The following CHL1 variants were observed in gnomAD, a reference collection of about 807,000 sequenced individuals.
CHL1 encodes the protein cell adhesion molecule L1 like.
In CHL1, 96 loss-of-function variants were observed where a neutral mutation model predicts 141.9. The observed-to-expected ratio is 0.68, with a 90% CI of 0.57 to 0.80. The LOEUF is 0.80. Among genes scored for constraint, CHL1 ranks in the 30% least tolerant of loss-of-function variants. The pLI is 0.00. For synonymous variants in CHL1, 613 were observed against 502.2 expected (o/e 1.22, Z -2.95); for missense variants, 1,820 against 1,457.2 (o/e 1.25, Z -4.05).
At position 208,269 on chromosome 3, in the gene CHL1, G is replaced by A. The variant is rs556189118; in HGVS notation, c.-175+11206G>A. On this transcript the variant is annotated intron_variant, in intron 1 of 27. Transcript: ENST00000256509. ...ACTAATAAACCATTTTTTCTGCAGT[G>A]TAATTTTGGACAGCAGGCCTTAAAA... Among the ~76,000 whole-genome samples, 57 of 152,264 alleles carry A rather than the reference G, an allele frequency of 3.7e-4. 1 individual carries two copies. Among genetic ancestry groups the A allele is most frequent in the Non-Finnish European group, 6.2e-4 (42 of 68,016 alleles).
rs11919117 is a variant in CHL1, at chr3:288,609, A to G, written c.-94-31074A>G. 7.3e-3 allele frequency among the ~76,000 whole-genome samples: 1,105 copies of G among 152,204 alleles called. 24 individuals carry two copies. The highest frequency in any genetic ancestry group is 0.025 in the African/African-American group (1,034 of 41,492). Reference sequence around the variant, plus strand: ...CGTTGTTTGTCACAGGAGGGGGGCCATGAAGGAGGATGTGATTGCTCCCCT... The same window carrying G: ...CGTTGTTTGTCACAGGAGGGGGGCCGTGAAGGAGGATGTGATTGCTCCCCT... On this transcript the variant is annotated intron_variant, in intron 2 of 27. Transcript: ENST00000256509.
intron 5 of CHL1, among the ~76,000 whole-genome samples, chr3:339,557 T>C (rs896460320): frequency 6.6e-6 from 1 of 152,192 alleles, no homozygotes; most frequent in East Asian, 1.9e-4. Flanking sequence ...AACCAAAGTC[T>C]GCCTTCCGAA....
intron 9 of CHL1, among the ~76,000 whole-genome samples, chr3:345,015 A>G (rs1477627089): frequency 6.6e-6 from 1 of 152,084 alleles, no homozygotes; most frequent in African/African-American, 2.4e-5. Context: ...AAATTAATAA[A>G]ATAAAATAAA....
At chr3:382,855 T>A in intron 18 of CHL1, 184 bp downstream of exon 18, 3 of 586,522 alleles carry the variant, frequency 5.1e-6, no homozygotes, top group Non-Finnish European at 9.0e-6. Flanking sequence ...TACATACGAG[T>A]TCGATAAAAG....
intron 1 of CHL1, among the ~76,000 whole-genome samples, chr3:204,369 G>A (rs1699225457): frequency 6.6e-6 from 1 of 152,216 alleles, no homozygotes; most frequent in East Asian, 1.9e-4. Context: ...TAACCTGGAT[G>A]CCTGGATCTT....
At chr3:229,904 C>T (rs1472572574) in intron 1 of CHL1, among the ~76,000 whole-genome samples, 1 of 152,190 alleles carries the variant, frequency 6.6e-6, no homozygotes, top group African/African-American at 2.4e-5. Flanking sequence ...ATTTCTCTCC[C>T]TCCGGAGCAC....
chr3:252,373 T>TATAG (rs1454464285), intron 2 of CHL1, among the ~76,000 whole-genome samples: 1 of 119,152 alleles, frequency 8.4e-6, no homozygotes, highest in Non-Finnish European at 1.9e-5. Context: ...TATATATATA[T>TATAG]ATATATATAT....
chr3:322,747 G>C (rs1453095876), intron 3 of CHL1, among the ~76,000 whole-genome samples: 3 of 149,058 alleles, frequency 2.0e-5, no homozygotes, highest in Non-Finnish European at 4.4e-5. Context: ...GGGAGGCTGA[G>C]GCAGTAGGAT....
intron 6 of CHL1, 37 bp downstream of exon 6, chr3:340,953 T>C: frequency 6.3e-7 from 1 of 1,580,354 alleles, no homozygotes; most frequent in South Asian, 1.2e-5. Context: ...AAGGGGGACA[T>C]TTTAATTCTA....
intron 2 of CHL1, among the ~76,000 whole-genome samples, chr3:280,767 T>G (rs1696568443): frequency 6.6e-6 from 1 of 151,934 alleles, no homozygotes; most frequent in African/African-American, 2.4e-5. Flanking sequence ...GTTGGTTGGG[T>G]GGGTAGTAAG....
At position 341,895 on chromosome 3, in the gene CHL1, A is replaced by G. The variant is rs766073808; in HGVS notation, c.509-17A>G. The G allele has an allele frequency of 1.9e-6, 3 of 1,558,086 alleles. No homozygotes were observed. Among genetic ancestry groups the G allele is most frequent in the Non-Finnish European group, 2.6e-6 (3 of 1,142,504 alleles). ...AGGGACAATTGCCCTTTTCAATGGC[A>G]AGATATCTCTTTTCAGAATTAGAAC... On this transcript the variant is annotated splice_polypyrimidine_tract_variant and intron_variant, in intron 6 of 27. Coordinates refer to ENST00000256509, the MANE Select transcript of CHL1 (RefSeq NM_006614.4).
intron 24 of CHL1, among the ~76,000 whole-genome samples, chr3:395,672 A>G (rs559830326): frequency 6.6e-6 from 1 of 152,358 alleles, no homozygotes; most frequent in East Asian, 1.9e-4. Flanking sequence ...AGGGAAATAG[A>G]GTTGTTTATT....
At chr3:403,020 G>A (rs916401039) in intron 27 of CHL1, among the ~76,000 whole-genome samples, 2 of 152,190 alleles carry the variant, frequency 1.3e-5, no homozygotes, top group Non-Finnish European at 2.9e-5. Context: ...TGAGGTTGCA[G>A]CAAGGTTTTG....
At chr3:316,718 T>C (rs1464988686) in intron 2 of CHL1, among the ~76,000 whole-genome samples, 2 of 151,936 alleles carry the variant, frequency 1.3e-5, no homozygotes, top group East Asian at 3.9e-4. Flanking sequence ...GATGTAATTA[T>C]TCCACATTGT....
chr3:364,436 G>T (rs780828583), intron 14 of CHL1, among the ~76,000 whole-genome samples: 1 of 152,154 alleles, frequency 6.6e-6, no homozygotes, highest in Non-Finnish European at 1.5e-5. Context: ...AAGCAACTCA[G>T]CTAGGTGTAA....
At chr3:345,615 C>A (rs1489285274) in intron 9 of CHL1, among the ~76,000 whole-genome samples, 1 of 152,082 alleles carries the variant, frequency 6.6e-6, no homozygotes, top group Admixed American at 6.6e-5. Flanking sequence ...TCCTGAGTAG[C>A]TGAAGCTACA....
At chr3:264,490 A>T (rs1694997079) in intron 2 of CHL1, among the ~76,000 whole-genome samples, 1 of 152,214 alleles carries the variant, frequency 6.6e-6, no homozygotes, top group Non-Finnish European at 1.5e-5. Flanking sequence ...AAGAAATAGC[A>T]GAGGACTGCC....
At chr3:311,017 G>A (rs1050558278) in intron 2 of CHL1, among the ~76,000 whole-genome samples, 2 of 152,080 alleles carry the variant, frequency 1.3e-5, no homozygotes, top group Non-Finnish European at 2.9e-5. Flanking sequence ...TTCACTTAAT[G>A]TGCCTTTAGG....
chr3:360,812 A>G (rs1413045351), intron 12 of CHL1, among the ~76,000 whole-genome samples: 1 of 137,420 alleles, frequency 7.3e-6, no homozygotes, highest in Non-Finnish European at 1.5e-5. Context: ...TCATTGTTCA[A>G]TTCCCACCTA....
Sources: allele counts gnomAD v4.1 joint callset (sites outside exome capture counted in the v4.1 genomes callset), GRCh38; gene constraint gnomAD v4.1.1; transcripts MANE v1.5; gene names NCBI Gene and HGNC (gene_info 2026-07-23, HGNC 2026-07-21).